The following UBE2D3 variants were observed in gnomAD, a reference collection of about 807,000 sequenced individuals.
The protein encoded by UBE2D3 is ubiquitin conjugating enzyme E2 D3.
UBE2D3 carries 2 observed loss-of-function variants against 22.8 expected under a neutral mutation model. The observed-to-expected ratio is 0.09, with a 90% confidence interval of 0.04 to 0.28. The LOEUF (loss-of-function observed/expected upper bound fraction) is 0.28, where lower values mean the gene tolerates loss of function less well. Among genes scored for constraint, UBE2D3 ranks in the 10% least tolerant of loss-of-function variants. The probability of loss-of-function intolerance (pLI) is 1.00; values close to 1 mark genes in which losing one functional copy is unlikely to be tolerated. For missense variants in UBE2D3, 27 were observed against 182.5 expected (o/e 0.15, Z 4.91); for synonymous variants, 56 against 60.4 (o/e 0.93, Z 0.34).
intron 2 of UBE2D3, among the ~76,000 whole-genome samples, chr4:102,823,256 A>T (rs1274587741): frequency 6.6e-6 from 1 of 152,208 alleles, no homozygotes; most frequent in Non-Finnish European, 1.5e-5. Context: ...ACTCTGGACC[A>T]GGCTGCCTAG....
upstream of UBE2D3, among the ~76,000 whole-genome samples, chr4:102,829,572 A>G (rs567918388): frequency 6.6e-6 from 1 of 152,342 alleles, no homozygotes; most frequent in Admixed American, 6.5e-5. Flanking sequence ...GTGAAAGGAC[A>G]CTGGAGACTC....
At chr4:102,802,924 C>T (rs1726431304) in intron 4 of UBE2D3, among the ~76,000 whole-genome samples, 1 of 152,176 alleles carries the variant, frequency 6.6e-6, no homozygotes, top group African/African-American at 2.4e-5. Context: ...AAAAGTACAA[C>T]ACAGCAATAA....
chr4:102,865,373 T>G (rs1733097025), intron 1 of UBE2D3, among the ~76,000 whole-genome samples: 1 of 151,428 alleles, frequency 6.6e-6, no homozygotes, highest in South Asian at 2.1e-4. Context: ...GCGCCTGTAG[T>G]CCCAGCTACA....
chr4:102,815,529 AAAGT>A lies in UBE2D3; in HGVS notation c.25-5678_25-5675del, dbSNP rs1253207126. Among the ~76,000 whole-genome samples the A allele has an allele frequency of 8.5e-5, 13 of 152,326 alleles. 1 individual carries two copies. The South Asian group carries it at 1.2e-3, about 15-fold the overall frequency. The stretch of plus-strand genomic sequence containing the variant: ...AACATTACACATTTCAATTACAAAG[AAAGT>A]AAGAAAGTATTTCTTATAGAATAAA... On this transcript the variant is annotated intron_variant, in intron 2 of 7. Transcript: ENST00000453744.
At chr4:102,807,667 C>T (rs889174994) in intron 4 of UBE2D3, among the ~76,000 whole-genome samples, 1 of 152,018 alleles carries the variant, frequency 6.6e-6, no homozygotes, top group African/African-American at 2.4e-5. Flanking sequence ...ATAGCCATCA[C>T]CTGAAATATA....
At chr4:102,802,952 T>C (rs1726439436) in intron 4 of UBE2D3, among the ~76,000 whole-genome samples, 1 of 152,214 alleles carries the variant, frequency 6.6e-6, no homozygotes, top group South Asian at 2.1e-4. Context: ...ATAATCATGT[T>C]TCAGAATAAT....
chr4:102,861,753 C>A (rs933512047), intron 1 of UBE2D3, among the ~76,000 whole-genome samples: 3 of 152,028 alleles, frequency 2.0e-5, no homozygotes, highest in African/African-American at 7.2e-5. Context: ...TAATTATGCA[C>A]ATATGCATAT....
At chr4:102,825,281 G>A (rs972604911) in intron 2 of UBE2D3, 2 of 986,164 alleles carry the variant, frequency 2.0e-6, no homozygotes, top group Non-Finnish European at 2.4e-6. Flanking sequence ...TTTATTCCAT[G>A]ACATTTTTTT....
At chr4:102,808,563 A>G (rs1477467866) in intron 4 of UBE2D3, among the ~76,000 whole-genome samples, 2 of 152,122 alleles carry the variant, frequency 1.3e-5, no homozygotes, top group African/African-American at 4.8e-5. Flanking sequence ...CATTTTAATT[A>G]CTCTAAATTA....
At chr4:102,855,469 C>T (rs1489350282) in intron 1 of UBE2D3, among the ~76,000 whole-genome samples, 1 of 152,172 alleles carries the variant, frequency 6.6e-6, no homozygotes, top group East Asian at 1.9e-4. Flanking sequence ...CTCTGTTGCC[C>T]AAGCTGGAGC....
At position 102,799,475 on chromosome 4, in the gene UBE2D3, T is replaced by C. The variant is rs758422769; in HGVS notation, c.330A>G (p.Leu110=). 71 of 1,612,018 alleles carry C rather than the reference T, an allele frequency of 4.4e-5. No homozygotes were observed. The highest frequency in any genetic ancestry group is 5.3e-5 in the Non-Finnish European group (63 of 1,178,548). Residue 110 remains leucine (L), a synonymous_variant, in exon 7 of 8, where the codon CTA becomes CTG. Coordinates refer to ENST00000453744, the MANE Select transcript of UBE2D3 (RefSeq NM_181891.3). ...GGGGGTCATCTGGGTTTGGATCACATAGCAGTGAACAAATGGATAAAAGAA... is the reference window on the plus strand; with the variant it reads ...GGGGGTCATCTGGGTTTGGATCACACAGCAGTGAACAAATGGATAAAAGAA... The part of the protein sequence containing the change: ...SKVLLSICSL[L]CDPNPDDPLV...
At chr4:102,817,100 A>C (rs1560862350) in intron 2 of UBE2D3, among the ~76,000 whole-genome samples, 1 of 152,198 alleles carries the variant, frequency 6.6e-6, no homozygotes, top group South Asian at 2.1e-4. Context: ...GAAGCATTCT[A>C]GGTAGAGAAA....
intron 1 of UBE2D3, among the ~76,000 whole-genome samples, chr4:102,835,865 T>C (rs745413257): frequency 2.0e-5 from 3 of 152,162 alleles, no homozygotes; most frequent in Non-Finnish European, 4.4e-5. Flanking sequence ...TCCTTTCTCT[T>C]GTTCTTCCCC....
At chr4:102,838,899 T>A (rs532411221) in intron 1 of UBE2D3, among the ~76,000 whole-genome samples, 11 of 150,596 alleles carry the variant, frequency 7.3e-5, no homozygotes, top group Non-Finnish European at 1.3e-4. Flanking sequence ...CAAAAGATGA[T>A]ACAAGAGGAG....
intron 2 of UBE2D3, among the ~76,000 whole-genome samples, chr4:102,820,130 C>T (rs1034186738): frequency 1.3e-5 from 2 of 152,128 alleles, no homozygotes; most frequent in African/African-American, 2.4e-5. Flanking sequence ...TACAAAGGTG[C>T]GAACCAACAA....
At chr4:102,834,623 C>T (rs1392041202) in intron 1 of UBE2D3, among the ~76,000 whole-genome samples, 4 of 151,924 alleles carry the variant, frequency 2.6e-5, no homozygotes, top group African/African-American at 7.3e-5. Flanking sequence ...GTGGTATGCA[C>T]CAGTAGTCCC....
chr4:102,836,567 A>G (rs1049872419), intron 1 of UBE2D3, among the ~76,000 whole-genome samples: 2 of 152,210 alleles, frequency 1.3e-5, no homozygotes, highest in African/African-American at 4.8e-5. Context: ...GCTAGATTAT[A>G]TGGTAGATAT....
chr4:102,800,437 G>A (rs1189587404), intron 6 of UBE2D3, among the ~76,000 whole-genome samples: 1 of 151,970 alleles, frequency 6.6e-6, no homozygotes, highest in South Asian at 2.1e-4. Context: ...AAAAAAGTAA[G>A]TTGCTTTAAC....
At chr4:102,797,562 A>C in intron 7 of UBE2D3, 102 bp from the exon 8 acceptor site, 1 of 885,636 alleles carries the variant, frequency 1.1e-6, no homozygotes, top group East Asian at 2.7e-5. Flanking sequence ...ACTCATCATG[A>C]AGTCATCTCT....
Sources: gnomAD v4.1 joint callset for allele counts (sites outside exome capture counted in the v4.1 genomes callset) on GRCh38, gnomAD v4.1.1 for gene constraint, MANE v1.5 for transcripts, NCBI Gene and HGNC (gene_info 2026-07-23, HGNC 2026-07-21) for gene names.